PRTG: variants seen among roughly 807,000 people sequenced by gnomAD.
The protein encoded by PRTG is immunoglobulin superfamily, DCC subclass, member 5.
A neutral mutation model predicts 122.5 loss-of-function variants in PRTG; 67 were observed. That is an observed-to-expected ratio of 0.55 (90% CI 0.45 to 0.67). The LOEUF is 0.67. Ranked by LOEUF, PRTG falls within the 30% of genes least tolerant of loss-of-function variation. The pLI is 0.00. For synonymous variants in PRTG, 554 were observed against 501.1 expected, an observed-to-expected ratio of 1.11 and a Z score of -1.41; for missense variants, 1,435 against 1,415.4, an observed-to-expected ratio of 1.01 and a Z score of -0.22.
intron 15 of PRTG, among the ~76,000 whole-genome samples, chr15:55,631,837 T>C (rs536088142): frequency 2.6e-5 from 4 of 152,378 alleles, no homozygotes; most frequent in Admixed American, 6.5e-5. Context: ...AAACTATTAT[T>C]GGCAAGTATC....
chr15:55,646,095 C>T (rs2059321117), intron 11 of PRTG, among the ~76,000 whole-genome samples: 1 of 152,048 alleles, frequency 6.6e-6, no homozygotes, highest in Non-Finnish European at 1.5e-5. Flanking sequence ...CAACCTCCTC[C>T]TCCCGCATTC....
chr15:55,706,014 A>ATTTTTTTTTTTTTT (rs56275705), intron 2 of PRTG, among the ~76,000 whole-genome samples: 1,298 of 93,992 alleles, frequency 0.014, 3 homozygotes, highest in Non-Finnish European at 0.021. Context: ...TGCCCAGCTA[A>ATTTTTTTTTTTTTT]TTTTTTTTTT....
chr15:55,714,695 A>C (rs1392876117), intron 2 of PRTG, among the ~76,000 whole-genome samples: 1 of 152,160 alleles, frequency 6.6e-6, no homozygotes, highest in Non-Finnish European at 1.5e-5. Context: ...CAACTCTCTT[A>C]ACCACTTATA....
At chr15:55,695,022 CA>C (rs2059624732) in intron 2 of PRTG, among the ~76,000 whole-genome samples, 1 of 152,140 alleles carries the variant, frequency 6.6e-6, no homozygotes. Flanking sequence ...GCGCTGTCCT[CA>C]AAAACAACCT....
intron 18 of PRTG, 50 bp downstream of exon 18, chr15:55,624,292 G>C: frequency 6.4e-7 from 1 of 1,554,296 alleles, no homozygotes; most frequent in South Asian, 1.2e-5. Context: ...ACACACACAG[G>C]GAGGAGGAAT....
chr15:55,696,818 A>G (rs2059634469), intron 2 of PRTG, among the ~76,000 whole-genome samples: 1 of 152,174 alleles, frequency 6.6e-6, no homozygotes, highest in Non-Finnish European at 1.5e-5. Context: ...AACTCTGACA[A>G]CCAGGTGCCA....
intron 2 of PRTG, among the ~76,000 whole-genome samples, chr15:55,737,818 ACTATTGTG>A (rs1200259446): frequency 6.6e-6 from 1 of 151,864 alleles, no homozygotes; most frequent in African/African-American, 2.4e-5. Context: ...CAGGTGCTGT[ACTATTGTG>A]CTTCTGTACA....
intron 18 of PRTG, among the ~76,000 whole-genome samples, chr15:55,622,815 C>G (rs1023669310): frequency 2.0e-5 from 3 of 152,014 alleles, no homozygotes; most frequent in Admixed American, 6.6e-5. Flanking sequence ...GAATTACAGG[C>G]GTGAACCACC....
intron 2 of PRTG, among the ~76,000 whole-genome samples, chr15:55,727,267 G>C (rs563808623): frequency 4.0e-5 from 6 of 151,542 alleles, no homozygotes; most frequent in African/African-American, 1.5e-4. Context: ...ACTTTAGCTA[G>C]ACTGACCAAG....
At chr15:55,693,554 T>C (rs1229143667) in intron 2 of PRTG, among the ~76,000 whole-genome samples, 1 of 151,920 alleles carries the variant, frequency 6.6e-6, no homozygotes. Flanking sequence ...TTTATGTGTA[T>C]ATAGGGAGGT....
chr15:55,675,486 A>G (rs1331196142), intron 9 of PRTG, 33 bp downstream of exon 9: 2 of 1,469,342 alleles, frequency 1.4e-6, no homozygotes, highest in Non-Finnish European at 1.9e-6. Flanking sequence ...ACGAATGTTC[A>G]TACTGAAATG....
chr15:55,644,831 A>G (rs1040721604), intron 11 of PRTG, among the ~76,000 whole-genome samples: 14 of 152,196 alleles, frequency 9.2e-5, no homozygotes, highest in Admixed American at 2.6e-4. Flanking sequence ...AAAAGATTAT[A>G]GGACATAGGA....
At chr15:55,722,133 A>C (rs1182956577) in intron 2 of PRTG, among the ~76,000 whole-genome samples, 3 of 152,208 alleles carry the variant, frequency 2.0e-5, no homozygotes, top group African/African-American at 7.2e-5. Context: ...GTTAGTTAAC[A>C]GCTGGGAATC....
intron 2 of PRTG, among the ~76,000 whole-genome samples, chr15:55,720,549 G>C (rs1219377809): frequency 6.6e-6 from 1 of 152,058 alleles, no homozygotes; most frequent in African/African-American, 2.4e-5. Flanking sequence ...CTGTGATTTT[G>C]TACTCATGTG....
intron 2 of PRTG, among the ~76,000 whole-genome samples, chr15:55,706,266 C>G (rs1595666073): frequency 6.6e-6 from 1 of 151,756 alleles, no homozygotes; most frequent in Non-Finnish European, 1.5e-5. Flanking sequence ...TACTGGCCAT[C>G]AAAACAAAAC....
chr15:55,678,910 G>C (rs2059520283), intron 7 of PRTG, among the ~76,000 whole-genome samples: 1 of 152,114 alleles, frequency 6.6e-6, no homozygotes, highest in Non-Finnish European at 1.5e-5. Flanking sequence ...GAAATTATTA[G>C]AGAATTATTT....
Position 55,612,696 on chromosome 15 carries a change from C to CT in PRTG, c.*7315_*7316insA, listed in dbSNP as rs1567067764. 1.1e-3 allele frequency: 98 copies of CT among 90,582 alleles called. 3 individuals carry two copies. Among genetic ancestry groups the CT allele is most frequent in the African/African-American group, 5.1e-3 (88 of 17,378 alleles). 5.6% of individuals were successfully genotyped at this position (90,582 alleles called of 1,614,324 possible). A position where few individuals can be genotyped will look rare whatever the true frequency, so the allele number is the denominator to read the frequency against. On this transcript the variant is annotated 3_prime_UTR_variant, in exon 20 of 20. Transcript: ENST00000389286. ...ATTCTCTCTTTAACTCTTTAAAAGC[C>CT]AATATATATATATATATATATATAT...
At chr15:55,692,218 A>G (rs2059607163) in intron 2 of PRTG, among the ~76,000 whole-genome samples, 1 of 152,094 alleles carries the variant, frequency 6.6e-6, no homozygotes, top group African/African-American at 2.4e-5. Context: ...TAAGCCCACA[A>G]ACATGTTGAC....
At chr15:55,622,883 T>C (rs908333078) in intron 18 of PRTG, among the ~76,000 whole-genome samples, 3 of 152,182 alleles carry the variant, frequency 2.0e-5, no homozygotes, top group African/African-American at 7.2e-5. Context: ...GTTCTAATGT[T>C]TTAGATCAAT....
Sources: allele counts gnomAD v4.1 joint callset (sites outside exome capture counted in the v4.1 genomes callset), GRCh38; gene constraint gnomAD v4.1.1; transcripts MANE v1.5; gene names NCBI Gene and HGNC (gene_info 2026-07-23, HGNC 2026-07-21).